Variants in AK5 observed in about 807,000 individuals in gnomAD.
AK5 encodes the protein adenylate kinase 5, also known as adenylate kinase isoenzyme 5.
A neutral mutation model predicts 69.5 loss-of-function variants in AK5; 27 were observed. The ratio of observed to expected loss-of-function variants is 0.39; its 90% CI spans 0.29 to 0.54. The LOEUF (loss-of-function observed/expected upper bound fraction) is 0.54. Ranked by LOEUF, AK5 falls within the 20% of genes least tolerant of loss-of-function variation. AK5 has a pLI of 0.71. For missense variants in AK5, 531 were observed against 700.4 expected (o/e 0.76, Z 2.73); for synonymous variants, 260 against 244.4 (o/e 1.06, Z -0.60).
chr1:77,292,887 G>A (rs535598425), intron 2 of AK5, among the ~76,000 whole-genome samples: 30 of 152,184 alleles, frequency 2.0e-4, no homozygotes, highest in South Asian at 8.3e-4. Flanking sequence ...AACACTTATC[G>A]TGGCTGGTGT....
chr1:77,370,551 A>T (rs1158855017), intron 6 of AK5, among the ~76,000 whole-genome samples: 2 of 152,208 alleles, frequency 1.3e-5, no homozygotes, highest in African/African-American at 4.8e-5. Flanking sequence ...AGATGAAAAT[A>T]AAAATTAAAA....
intron 8 of AK5, among the ~76,000 whole-genome samples, chr1:77,475,436 T>C (rs183160650): frequency 5.8e-4 from 2 of 3,444 alleles, no homozygotes; most frequent in Admixed American, 7.1e-3. Flanking sequence ...TATATATATG[T>C]ATATATATTA....
chr1:77,468,206 C>A (rs900980465), intron 8 of AK5, among the ~76,000 whole-genome samples: 10 of 152,252 alleles, frequency 6.6e-5, no homozygotes, highest in Non-Finnish European at 4.4e-5. Context: ...CAGTAAAATT[C>A]TGCTTTGCTT....
chr1:77,294,966 T>A (rs1362577711), intron 3 of AK5, among the ~76,000 whole-genome samples: 1 of 152,002 alleles, frequency 6.6e-6, no homozygotes, highest in Non-Finnish European at 1.5e-5. Context: ...GAGTTCAAGG[T>A]TGCAGTGAAC....
chr1:77,368,241 A>ATATATATATATATAT (rs71075737), intron 6 of AK5, among the ~76,000 whole-genome samples: 2 of 23,280 alleles, frequency 8.6e-5, no homozygotes, highest in Non-Finnish European at 2.2e-4. Context: ...ATATATATAT[A>ATATATATATATATAT]TATATATATA....
intron 6 of AK5, among the ~76,000 whole-genome samples, chr1:77,368,752 C>T (rs942859721): frequency 3.3e-5 from 5 of 152,100 alleles, no homozygotes; most frequent in Middle Eastern, 3.2e-3. Context: ...GTGGAATTTT[C>T]CACTTGTGGC....
At chr1:77,505,444 C>G (rs1436012383) in intron 10 of AK5, among the ~76,000 whole-genome samples, 1 of 152,148 alleles carries the variant, frequency 6.6e-6, no homozygotes, top group African/African-American at 2.4e-5. Context: ...AGAAACAAAA[C>G]AAAATGTGTC....
At chr1:77,314,152 G>A (rs1412795049) in intron 5 of AK5, 2 of 302,196 alleles carry the variant, frequency 6.6e-6, no homozygotes, top group East Asian at 9.1e-5. Context: ...TTGAAGAGTC[G>A]TTCTAATTTT....
At chr1:77,336,453 C>G (rs1295940951) in intron 5 of AK5, among the ~76,000 whole-genome samples, 1 of 152,270 alleles carries the variant, frequency 6.6e-6, no homozygotes, top group South Asian at 2.1e-4. Context: ...AATAAAAACT[C>G]TATGCCTTAA....
chr1:77,396,100 T>C (rs547148771), intron 6 of AK5, among the ~76,000 whole-genome samples: 2 of 152,200 alleles, frequency 1.3e-5, no homozygotes, highest in African/African-American at 2.4e-5. Flanking sequence ...TCTCTTTTTC[T>C]ACATGTTGCT....
intron 12 of AK5, among the ~76,000 whole-genome samples, chr1:77,524,818 TC>T (rs35751413): frequency 0.43 from 65,825 of 152,014 alleles, 16,007 homozygotes; most frequent in African/African-American, 0.68. Context: ...TATTACCTAA[TC>T]CCCATGAAGC....
chr1:77,392,558 C>T (rs1648555353), intron 6 of AK5, among the ~76,000 whole-genome samples: 1 of 152,100 alleles, frequency 6.6e-6, no homozygotes, highest in Non-Finnish European at 1.5e-5. Context: ...AAGAGAGAAC[C>T]TATATTGGTT....
At chr1:77,300,573 T>C (rs1187026122) in intron 5 of AK5, among the ~76,000 whole-genome samples, 1 of 152,168 alleles carries the variant, frequency 6.6e-6, no homozygotes, top group Non-Finnish European at 1.5e-5. Context: ...TTTTTTCTGC[T>C]ACCACTTCTG....
chr1:77,374,906 A>G (rs1647195828), intron 6 of AK5, among the ~76,000 whole-genome samples: 1 of 152,146 alleles, frequency 6.6e-6, no homozygotes, highest in Non-Finnish European at 1.5e-5. Context: ...CATTTTAATT[A>G]TATTAGTAAA....
chr1:77,455,157 A>G lies in AK5; in HGVS notation c.1060-28160A>G, dbSNP rs533289424. ...CTGAGTGTGAAATTACTTGGCCAAA[A>G]ACATCTAGTATATCGCTAACGCAGG... On this transcript the variant is annotated intron_variant, in intron 8 of 13. Coordinates refer to ENST00000354567, the MANE Select transcript of AK5 (RefSeq NM_174858.3). 3.3e-5 allele frequency among the ~76,000 whole-genome samples: 5 copies of G among 152,000 alleles called. No homozygotes were observed. The East Asian group carries it at 9.7e-4, about 30-fold the overall frequency.
intron 8 of AK5, chr1:77,417,952 A>C: frequency 2.7e-6 from 1 of 368,896 alleles, no homozygotes; most frequent in Non-Finnish European, 5.0e-6. Flanking sequence ...TTTATCATCA[A>C]ACGTTAACAT....
At position 77,283,744 on chromosome 1, in the gene AK5, T is replaced by G. The variant is rs758473922; in HGVS notation, c.60+1371T>G. On this transcript the variant is annotated intron_variant, in intron 1 of 13. Transcript: ENST00000354567. ...GAATATGTGGGAATCTTAAGAGTTG[T>G]TTTTTTTGTTTGTTTTTATTTTCAA... is the stretch of plus-strand genomic sequence containing the variant. The G allele has an allele frequency of 8.3e-5, 40 of 482,278 alleles. No individual in the cohort carries two copies. In the African/African-American group the frequency reaches 9.1e-4, roughly 11 times the overall value. 29.9% of individuals were successfully genotyped at this position (482,278 alleles called of 1,614,324 possible). A position where few individuals can be genotyped will look rare whatever the true frequency, so the allele number is the denominator to read the frequency against.
chr1:77,486,566 C>T (rs540621659), intron 10 of AK5, among the ~76,000 whole-genome samples: 16 of 151,928 alleles, frequency 1.1e-4, no homozygotes, highest in Admixed American at 2.0e-4. Flanking sequence ...GGCATGGTGG[C>T]GGGCGCCTGT....
rs1443883283 is a variant in AK5, at chr1:77,287,097, G to A, written c.217G>A (p.Gly73Arg). The A allele has an allele frequency of 6.3e-7, 1 of 1,595,302 alleles. No homozygotes were observed. The highest frequency in any genetic ancestry group is 1.4e-5 in the African/African-American group (1 of 73,840). ...GAAGACCTTACCTCCACTAAATGGA[G>A]GACAGTCACGGAGATCCTTTCTAAG... ...EKKTLPPLNG[G>R]QSRRSFLRNV... Residue 73 changes from glycine to arginine, a missense_variant, in exon 2 of 14, where the codon GGA becomes AGA. By Grantham distance (125) the Gly-to-Arg change is moderately radical. Coordinates refer to ENST00000354567, the MANE Select transcript of AK5 (RefSeq NM_174858.3).
Sources: allele counts gnomAD v4.1 joint callset (sites outside exome capture counted in the v4.1 genomes callset), GRCh38; gene constraint gnomAD v4.1.1; transcripts MANE v1.5; gene names NCBI Gene and HGNC (gene_info 2026-07-23, HGNC 2026-07-21).